The following PCDHGA1 variants were observed in gnomAD, a reference collection of about 807,000 sequenced individuals.
PCDHGA1 encodes protocadherin gamma subfamily A, 1, also known as protocadherin gamma-A1.
In PCDHGA1, 32 loss-of-function variants were observed where a neutral mutation model predicts 58.0. The observed-to-expected ratio is 0.55, with a 90% CI of 0.42 to 0.74. PCDHGA1 has a LOEUF of 0.74. Ranked by LOEUF, PCDHGA1 falls within the 30% of genes least tolerant of loss-of-function variation. PCDHGA1 has a pLI of 0.00. For missense variants in PCDHGA1, 1,205 were observed against 1,182.3 expected (o/e 1.02, Z -0.28); for synonymous variants, 498 against 501.1 (o/e 0.99, Z 0.08).
At chr5:141,372,022 G>A in intron 1 of PCDHGA1, 1 of 1,613,416 alleles carries the variant, frequency 6.2e-7, no homozygotes, top group Non-Finnish European at 8.5e-7. Context: ...CCTACGCTCA[G>A]CGCCAACGTG....
chr5:141,405,225 C>T (rs2154536264), intron 1 of PCDHGA1: 4 of 1,614,082 alleles, frequency 2.5e-6, no homozygotes, highest in Non-Finnish European at 1.7e-6. Context: ...CAGGAGTTCT[C>T]CCTCACCGCT....
At chr5:141,360,543 T>C (rs369225043) in intron 1 of PCDHGA1, 1 of 1,613,834 alleles carries the variant, frequency 6.2e-7, no homozygotes, top group Non-Finnish European at 8.5e-7. Flanking sequence ...TCAAACAGAC[T>C]AAGATTAATT....
At chr5:141,344,179 C>G in intron 1 of PCDHGA1, 1 of 1,614,034 alleles carries the variant, frequency 6.2e-7, no homozygotes, top group Non-Finnish European at 8.5e-7. Context: ...GGCAACATCG[C>G]TAACGACCTG....
intron 3 of PCDHGA1, among the ~76,000 whole-genome samples, chr5:141,506,485 A>C (rs2154593953): frequency 6.6e-6 from 1 of 150,572 alleles, no homozygotes; most frequent in East Asian, 2.0e-4. Flanking sequence ...CTTTAGAGGC[A>C]GGCCAATCTG....
At chr5:141,394,938 G>T (rs367656720) in intron 1 of PCDHGA1, 1 of 1,613,662 alleles carries the variant, frequency 6.2e-7, no homozygotes, top group Non-Finnish European at 8.5e-7. Context: ...CGCCTTTGTC[G>T]CTGTGCTTCT....
chr5:141,340,889 C>T (rs768027314), intron 1 of PCDHGA1: 2 of 1,613,714 alleles, frequency 1.2e-6, no homozygotes, highest in Non-Finnish European at 1.7e-6. Context: ...CGCGCTCAAG[C>T]AGAGCCTCGT....
intron 1 of PCDHGA1, among the ~76,000 whole-genome samples, chr5:141,354,854 G>A (rs1343245672): frequency 6.6e-6 from 1 of 152,118 alleles, no homozygotes; most frequent in African/African-American, 2.4e-5. Context: ...AATTTTCATT[G>A]CAAATCAAAA....
At chr5:141,425,491 C>G (rs1243033082) in intron 1 of PCDHGA1, among the ~76,000 whole-genome samples, 1 of 152,200 alleles carries the variant, frequency 6.6e-6, no homozygotes, top group Non-Finnish European at 1.5e-5. Context: ...ACCTACTAGG[C>G]TATACCTTTA....
At chr5:141,458,090 G>C (rs1306631184) in intron 1 of PCDHGA1, among the ~76,000 whole-genome samples, 2 of 152,234 alleles carry the variant, frequency 1.3e-5, no homozygotes, top group Non-Finnish European at 1.5e-5. Context: ...CGTAAGTTAA[G>C]AGTACTTACA....
chr5:141,480,402 G>A (rs1268532373), intron 1 of PCDHGA1, among the ~76,000 whole-genome samples: 2 of 145,838 alleles, frequency 1.4e-5, no homozygotes, highest in African/African-American at 2.6e-5. Flanking sequence ...GCAATAGAGT[G>A]AGACCCTGTC....
chr5:141,413,441 T>A, intron 1 of PCDHGA1: 1 of 1,614,056 alleles, frequency 6.2e-7, no homozygotes, highest in South Asian at 1.1e-5. Context: ...GGCAGCTTGA[T>A]CACCGCGGGC....
intron 1 of PCDHGA1, chr5:141,384,852 G>C: frequency 6.2e-7 from 1 of 1,613,646 alleles, no homozygotes; most frequent in Non-Finnish European, 8.5e-7. Context: ...ACCACGGTCA[G>C]CCTCCTCTGT....
At chr5:141,451,170 A>G (rs960062747) in intron 1 of PCDHGA1, among the ~76,000 whole-genome samples, 8 of 152,148 alleles carry the variant, frequency 5.3e-5, no homozygotes, top group East Asian at 3.9e-4. Flanking sequence ...GTAGTATATT[A>G]TTTAGCCATT....
chr5:141,357,184 G>A lies in PCDHGA1; in HGVS notation c.2421+24079G>A, dbSNP rs766733303. The A allele has an allele frequency of 3.1e-6, 5 of 1,613,780 alleles. No homozygotes were observed. In the South Asian group the frequency reaches 5.5e-5, roughly 18 times the overall value. ...TCTCTCGGCCACCGTCACACTCACT[G>A]TGGCTGTGGCCGACAGCATCCCAGA... On this transcript the variant is annotated intron_variant, in intron 1 of 3. Coordinates refer to ENST00000517417, the MANE Select transcript of PCDHGA1 (RefSeq NM_018912.3).
At chr5:141,452,084 C>CGG (rs1561946918) in intron 1 of PCDHGA1, among the ~76,000 whole-genome samples, 1 of 152,170 alleles carries the variant, frequency 6.6e-6, no homozygotes, top group Non-Finnish European at 1.5e-5. Context: ...TGGCATTATA[C>CGG]AGTAAGAAAG....
At chr5:141,497,855 C>T (rs1447484949) in intron 2 of PCDHGA1, among the ~76,000 whole-genome samples, 1 of 152,122 alleles carries the variant, frequency 6.6e-6, no homozygotes, top group Non-Finnish European at 1.5e-5. Flanking sequence ...ATTTTTGATT[C>T]AGCGGCTCCA....
In PCDHGA1 at chr5:141,476,760, CG is replaced by C. The variant is rs1325258321; in HGVS notation, c.2422-18045del. The C allele has an allele frequency of 6.2e-7, 1 of 1,613,706 alleles. No individual in the cohort carries two copies. Among genetic ancestry groups the C allele is most frequent in the African/African-American group, 1.3e-5 (1 of 74,930 alleles). On this transcript the variant is annotated intron_variant, in intron 1 of 3. Coordinates refer to ENST00000517417, the MANE Select transcript of PCDHGA1 (RefSeq NM_018912.3). This position sits in a 1 kb window ranked among gnomAD's most constrained non-coding sequence, Gnocchi z 7.6. ...GAGCCTAGTCTCCAGTTAGTGCTGA[CG>C]GCGTTGGACGGAGGGACCCCAGCTC...
chr5:141,415,167 C>T (rs769256903), intron 1 of PCDHGA1: 3 of 1,613,894 alleles, frequency 1.9e-6, no homozygotes, highest in Admixed American at 3.3e-5. Flanking sequence ...CTGTCACGCT[C>T]ACCGTGGCCG....
In PCDHGA1 at chr5:141,491,219, C is replaced by T; in HGVS notation, c.2422-3588C>T. ...GGTGACCCTTCACTCTCCTCCACAG[C>T]CACAGTGCTGCTGGTTCTGGAGGAT... is the stretch of plus-strand genomic sequence containing the variant. On this transcript the variant is annotated intron_variant, in intron 1 of 3. Coordinates refer to ENST00000517417, the MANE Select transcript of PCDHGA1 (RefSeq NM_018912.3). The surrounding 1 kb of genome is among the most constrained non-coding windows in gnomAD (Gnocchi z 6.9). 3 of 1,614,208 alleles carry T rather than the reference C, an allele frequency of 1.9e-6. No homozygotes were observed. The highest frequency in any genetic ancestry group is 2.5e-6 in the Non-Finnish European group (3 of 1,180,028).
Sources: allele counts gnomAD v4.1 joint callset (sites outside exome capture counted in the v4.1 genomes callset), GRCh38; gene constraint gnomAD v4.1.1; non-coding constraint Gnocchi (gnomAD v3.1); transcripts MANE v1.5; gene names NCBI Gene and HGNC (gene_info 2026-07-23, HGNC 2026-07-21).